The following STAM2 variants were observed in gnomAD, a reference collection of about 807,000 sequenced individuals.
STAM2 encodes the protein signal transducing adaptor molecule 2.
In STAM2, 51 loss-of-function variants were observed where a neutral mutation model predicts 65.6. The observed-to-expected ratio is 0.78, with a 90% CI of 0.62 to 0.98. The LOEUF (loss-of-function observed/expected upper bound fraction) is 0.98. Ranked by LOEUF, STAM2 falls within the 50% of genes least tolerant of loss-of-function variation. The pLI is 0.00. For synonymous variants in STAM2, 198 were observed against 208.4 expected, an observed-to-expected ratio of 0.95 and a Z score of 0.43; for missense variants, 584 against 617.8, an observed-to-expected ratio of 0.95 and a Z score of 0.58.
intron 1 of STAM2, among the ~76,000 whole-genome samples, chr2:152,157,657 G>C (rs1689578760): frequency 1.3e-5 from 2 of 152,220 alleles, no homozygotes; most frequent in Admixed American, 6.5e-5. Flanking sequence ...TGTTGCATAA[G>C]CTACCTAGTC....
chr2:152,158,318 T>C (rs1174918722), intron 1 of STAM2, among the ~76,000 whole-genome samples: 1 of 151,774 alleles, frequency 6.6e-6, no homozygotes. Flanking sequence ...CCACTAAAAA[T>C]ACAAAAAATT....
intron 5 of STAM2, among the ~76,000 whole-genome samples, chr2:152,146,392 A>G (rs1689338029): frequency 6.6e-6 from 1 of 152,132 alleles, no homozygotes; most frequent in Non-Finnish European, 1.5e-5. Flanking sequence ...GGAAGGAATA[A>G]GGTACTGAGA....
At chr2:152,159,878 G>A (rs955951492) in intron 1 of STAM2, among the ~76,000 whole-genome samples, 57 of 152,340 alleles carry the variant, frequency 3.7e-4, no homozygotes, top group African/African-American at 1.1e-3. Context: ...GCAGGCGCGC[G>A]CCGCCACGCC....
chr2:152,128,907 T>G (rs1254368881), intron 11 of STAM2, among the ~76,000 whole-genome samples: 8 of 152,164 alleles, frequency 5.3e-5, no homozygotes, highest in African/African-American at 1.9e-4. Flanking sequence ...ACATGATCCA[T>G]TCAAGGGAAA....
chr2:152,163,176 C>T (rs1004398369), intron 1 of STAM2, among the ~76,000 whole-genome samples: 13 of 152,090 alleles, frequency 8.5e-5, no homozygotes, highest in African/African-American at 2.7e-4. Flanking sequence ...GGACCCAGAA[C>T]GAATGGAGGG....
chr2:152,127,961 CAG>C (rs1560210431), intron 11 of STAM2, among the ~76,000 whole-genome samples: 2 of 152,140 alleles, frequency 1.3e-5, no homozygotes, highest in Admixed American at 6.5e-5. Context: ...GGCACACAGA[CAG>C]ACACAGGACT....
intron 5 of STAM2, among the ~76,000 whole-genome samples, chr2:152,146,636 C>T (rs1382392074): frequency 6.6e-6 from 1 of 152,184 alleles, no homozygotes; most frequent in African/African-American, 2.4e-5. Context: ...TTGTTCATTT[C>T]ACTTACCTCC....
chr2:152,133,348 T>G, intron 9 of STAM2, 54 bp downstream of exon 9: 1 of 1,541,442 alleles, frequency 6.5e-7, no homozygotes, highest in East Asian at 2.2e-5. Context: ...TTCTCAAAGA[T>G]AGTACATTTA....
intron 1 of STAM2, among the ~76,000 whole-genome samples, chr2:152,170,398 A>G (rs1433791011): frequency 6.6e-6 from 1 of 150,996 alleles, no homozygotes; most frequent in East Asian, 2.0e-4. Flanking sequence ...CAGGAAAATC[A>G]TTTGAACCTG....
At chr2:152,166,524 C>T (rs1490908542) in intron 1 of STAM2, among the ~76,000 whole-genome samples, 1 of 152,140 alleles carries the variant, frequency 6.6e-6, no homozygotes, top group Non-Finnish European at 1.5e-5. Flanking sequence ...AGCAGGTGGC[C>T]ACTTCAGAAT....
intron 13 of STAM2, among the ~76,000 whole-genome samples, chr2:152,123,412 G>A (rs1332381556): frequency 6.6e-6 from 1 of 152,106 alleles, no homozygotes; most frequent in Admixed American, 6.6e-5. Context: ...AAATTCCACA[G>A]TTCAAACGCC....
intron 1 of STAM2, among the ~76,000 whole-genome samples, chr2:152,172,848 A>G (rs1689920095): frequency 6.7e-6 from 1 of 150,226 alleles, no homozygotes; most frequent in Non-Finnish European, 1.5e-5. Context: ...CCAGCCTGAG[A>G]GACAGATTCG....
At chr2:152,128,676 G>T (rs1429091506) in intron 11 of STAM2, among the ~76,000 whole-genome samples, 1 of 152,080 alleles carries the variant, frequency 6.6e-6, no homozygotes, top group Non-Finnish European at 1.5e-5. Flanking sequence ...GAGGACAGGA[G>T]GAAATAAGAT....
chr2:152,136,408 A>T (rs377489698), intron 7 of STAM2, among the ~76,000 whole-genome samples: 20 of 152,060 alleles, frequency 1.3e-4, no homozygotes, highest in African/African-American at 3.4e-4. Flanking sequence ...ACGTCACTGC[A>T]CTCCAGCCTG....
Position 152,152,193 on chromosome 2 carries a change from G to A in STAM2, c.41-1964C>T, listed in dbSNP as rs184447757. On this transcript the variant is annotated intron_variant, in intron 1 of 13. Transcript: ENST00000263904. ...TGGGCTCAAATGATCTGCCCACCTC[G>A]GCCTCCCAAAGTGCTGAGATTACTA... Among the ~76,000 whole-genome samples, 518 of 152,046 alleles carry A rather than the reference G, an allele frequency of 3.4e-3. 4 individuals carry two copies. The highest frequency in any genetic ancestry group is 4.5e-3 in the Non-Finnish European group (304 of 67,962).
intron 1 of STAM2, among the ~76,000 whole-genome samples, chr2:152,157,147 G>A (rs574805844): frequency 6.6e-6 from 1 of 152,260 alleles, no homozygotes; most frequent in Admixed American, 6.5e-5. Context: ...CCCAAGAAGA[G>A]CGAGAGATGG....
At chr2:152,136,238 T>G (rs1460396593) in intron 7 of STAM2, among the ~76,000 whole-genome samples, 1 of 151,314 alleles carries the variant, frequency 6.6e-6, no homozygotes, top group African/African-American at 2.4e-5. Flanking sequence ...AGGTCAGGAG[T>G]TCGAGACTAG....
rs764129439 is a variant in STAM2, at chr2:152,126,297, C to T, written c.1108G>A (p.Val370Met). Residue 370 changes from valine to methionine, a missense_variant, in exon 12 of 14, where the codon GTG becomes ATG. Val to Met is a conservative substitution (Grantham distance 21). Transcript: ENST00000263904. The stretch of plus-strand genomic sequence containing the variant: ...TGGAGCTTTGAATAGACTGAGTACA[C>T]TGGTGCTTCATTCACCAATTTGTTA... Reference protein sequence around the residue: ...LYNKLVNEAPVYSVYSKLHPP... With the variant: ...LYNKLVNEAPMYSVYSKLHPP... 3.1e-6 allele frequency: 5 copies of T among 1,608,762 alleles called. No individual in the cohort carries two copies. Among genetic ancestry groups the T allele is most frequent in the Admixed American group, 3.4e-5 (2 of 59,310 alleles).
Position 152,147,348 on chromosome 2 carries a change from G to A in STAM2, c.301-40C>T, listed in dbSNP as rs139467744. Reference sequence around the variant, plus strand: ...GAAAGGAAAATAAACAAAAATCTACGGTTAAAATAAGTACTTAAATTATTT... The same window carrying A: ...GAAAGGAAAATAAACAAAAATCTACAGTTAAAATAAGTACTTAAATTATTT... On this transcript the variant is annotated intron_variant, in intron 4 of 13. Coordinates refer to ENST00000263904, the MANE Select transcript of STAM2 (RefSeq NM_005843.6). 297 of 1,487,712 alleles carry A rather than the reference G, an allele frequency of 2.0e-4. 2 individuals carry two copies. In the East Asian group the frequency reaches 4.2e-3, roughly 21 times the overall value. 92.2% of individuals were successfully genotyped at this position (1,487,712 alleles called of 1,614,324 possible).
Sources: gnomAD v4.1 joint callset for allele counts (sites outside exome capture counted in the v4.1 genomes callset) on GRCh38, gnomAD v4.1.1 for gene constraint, MANE v1.5 for transcripts, NCBI Gene and HGNC (gene_info 2026-07-23, HGNC 2026-07-21) for gene names.